Variants in DLGAP2 observed in about 807,000 individuals in gnomAD.
DLGAP2 encodes disks large-associated protein 2.
In DLGAP2, 26 loss-of-function variants were observed where a neutral mutation model predicts 100.3. The observed-to-expected ratio is 0.26, with a 90% CI of 0.19 to 0.36. DLGAP2 has a LOEUF of 0.36. DLGAP2 is among the 10% of genes least tolerant of loss of function. DLGAP2 has a pLI of 1.00. For synonymous variants in DLGAP2, 886 were observed against 630.1 expected, an observed-to-expected ratio of 1.41 and a Z score of -6.08; for missense variants, 1,858 against 1,453.2, an observed-to-expected ratio of 1.28 and a Z score of -4.53.
intron 3 of DLGAP2, among the ~76,000 whole-genome samples, chr8:1,319,471 A>G (rs2117035782): frequency 6.6e-6 from 1 of 152,116 alleles, no homozygotes; most frequent in African/African-American, 2.4e-5. Flanking sequence ...ACCCTCGGAG[A>G]GATTGGAGTG....
intron 4 of DLGAP2, among the ~76,000 whole-genome samples, chr8:1,520,014 T>C (rs1800532039): frequency 6.6e-6 from 1 of 152,130 alleles, no homozygotes; most frequent in Non-Finnish European, 1.5e-5. Context: ...GCAGGAGGTG[T>C]GGGCCATCGC....
rs1801478782 is a variant in DLGAP2 at position 1,544,814 on chromosome 8, C to T, written c.173-3812C>T. 3.3e-5 allele frequency among the ~76,000 whole-genome samples: 5 copies of T among 151,186 alleles called. No homozygotes were observed. In the South Asian group the frequency reaches 1.0e-3, roughly 32 times the overall value. On this transcript the variant is annotated intron_variant, in intron 4 of 14. Transcript: ENST00000637795. ...GTGGTGTAATCTTGGCTCATTGCAA[C>T]TTCTGCCTCCCGGGTTCAAGCGATT... is the stretch of plus-strand genomic sequence containing the variant.
intron 3 of DLGAP2, among the ~76,000 whole-genome samples, chr8:1,412,553 C>G (rs925766852): frequency 2.0e-5 from 3 of 152,314 alleles, no homozygotes; most frequent in Admixed American, 1.3e-4. Context: ...TTGGTAAGCC[C>G]CAGCCATTCC....
At chr8:934,477 G>C (rs1278252165) in intron 2 of DLGAP2, among the ~76,000 whole-genome samples, 3 of 152,214 alleles carry the variant, frequency 2.0e-5, no homozygotes, top group African/African-American at 7.2e-5. Flanking sequence ...GGACCTGCTT[G>C]AAACAGGCCA....
intron 3 of DLGAP2, among the ~76,000 whole-genome samples, chr8:1,328,083 AG>A: frequency 6.6e-6 from 1 of 152,014 alleles, no homozygotes; most frequent in East Asian, 2.0e-4. Flanking sequence ...TCTGTCTCCC[AG>A]GCTGGAGTGC....
rs1026128120 is a variant in DLGAP2, at chr8:1,324,505, C to T, written c.106+65622C>T. ...CCACAGGCAGAGCAGGCACCTTCTT[C>T]CCAGATCATCTTACCCATTAACACA... is the stretch of plus-strand genomic sequence containing the variant. On this transcript the variant is annotated intron_variant, in intron 3 of 14. Coordinates refer to ENST00000637795, the MANE Select transcript of DLGAP2 (RefSeq NM_001346810.2). 6.6e-5 allele frequency among the ~76,000 whole-genome samples: 10 copies of T among 152,206 alleles called. No homozygotes were observed. The East Asian group carries it at 1.5e-3, about 23-fold the overall frequency.
In DLGAP2 at chr8:850,604, G is replaced by C. The variant is rs137873215; in HGVS notation, c.19-57308G>C. On this transcript the variant is annotated intron_variant, in intron 1 of 14. Coordinates refer to ENST00000637795, the MANE Select transcript of DLGAP2 (RefSeq NM_001346810.2). ...ATGAAATGAGGCTGTTGCTTGAATA[G>C]CCCAATTAAATGTTGGCATGCTTTA... is the stretch of plus-strand genomic sequence containing the variant. Among the ~76,000 whole-genome samples, 251 of 152,226 alleles carry C rather than the reference G, an allele frequency of 1.6e-3. 3 individuals are homozygous for C. The highest frequency in any genetic ancestry group is 5.9e-3 in the African/African-American group (247 of 41,546).
intron 4 of DLGAP2, among the ~76,000 whole-genome samples, chr8:1,528,231 A>G (rs1354191357): frequency 6.6e-6 from 1 of 152,138 alleles, no homozygotes; most frequent in Non-Finnish European, 1.5e-5. Context: ...TTTCCTCCTC[A>G]GGCCACTGGC....
At chr8:1,590,713 T>G (rs1036405141) in intron 6 of DLGAP2, among the ~76,000 whole-genome samples, 107 of 152,320 alleles carry the variant, frequency 7.0e-4, no homozygotes, top group African/African-American at 2.5e-3. Context: ...AAAATCTTGT[T>G]CTGTCCTATT....
intron 6 of DLGAP2, among the ~76,000 whole-genome samples, chr8:1,586,777 C>T (rs1372337396): frequency 6.6e-6 from 1 of 152,196 alleles, no homozygotes; most frequent in Admixed American, 6.5e-5. Flanking sequence ...GTTTTTATTA[C>T]TGCACAGAGT....
intron 3 of DLGAP2, among the ~76,000 whole-genome samples, chr8:1,319,581 C>G (rs1408779018): frequency 6.6e-6 from 1 of 152,148 alleles, no homozygotes; most frequent in East Asian, 1.9e-4. Flanking sequence ...CTTGTATTCT[C>G]CTAGGAAGGT....
At chr8:1,185,668 G>A (rs1428740365) in intron 2 of DLGAP2, among the ~76,000 whole-genome samples, 1 of 151,880 alleles carries the variant, frequency 6.6e-6, no homozygotes, top group Non-Finnish European at 1.5e-5. Context: ...AAGGCTAGTG[G>A]AAGAACAATG....
intron 12 of DLGAP2, among the ~76,000 whole-genome samples, chr8:1,690,703 C>CAAAAAAAAAAAAAAA (rs71190752): frequency 2.9e-4 from 18 of 62,074 alleles, no homozygotes; most frequent in Admixed American, 6.5e-4. Flanking sequence ...GACCCTATCT[C>CAAAAAAAAAAAAAAA]AAAAAAAAAA....
At chr8:1,133,730 A>G (rs1796344548) in intron 2 of DLGAP2, among the ~76,000 whole-genome samples, 1 of 152,260 alleles carries the variant, frequency 6.6e-6, no homozygotes. Context: ...TAGAATTAAG[A>G]GTAATCTAAA....
In DLGAP2 at chr8:1,701,646, TG is replaced by T; in HGVS notation, c.*242del. On this transcript the variant is annotated 3_prime_UTR_variant, in exon 15 of 15. Coordinates refer to ENST00000637795, the MANE Select transcript of DLGAP2 (RefSeq NM_001346810.2). The stretch of plus-strand genomic sequence containing the variant: ...GTTCACGGGTGGCCTGGCTCACACT[TG>T]GCTCTGAGGGACAGGTGTGGCGAGA... The T allele has an allele frequency of 7.1e-6, 4 of 565,846 alleles. No individual in the cohort carries two copies. Among genetic ancestry groups the T allele is most frequent in the Non-Finnish European group, 1.2e-5 (4 of 324,728 alleles). The allele number at this position is 565,846 out of a possible 1,614,324, so 35.1% of individuals were successfully genotyped here.
At chr8:1,198,210 G>A (rs1433148620) in intron 2 of DLGAP2, among the ~76,000 whole-genome samples, 1 of 152,166 alleles carries the variant, frequency 6.6e-6, no homozygotes, top group African/African-American at 2.4e-5. Flanking sequence ...CAATTTCCTT[G>A]AGGATTCCAG....
At chr8:836,004 C>G (rs532724758) in intron 1 of DLGAP2, among the ~76,000 whole-genome samples, 4 of 152,312 alleles carry the variant, frequency 2.6e-5, no homozygotes, top group Admixed American at 6.5e-5. Context: ...CCTTGGAAGA[C>G]TTTTTGTCCA....
intron 2 of DLGAP2, among the ~76,000 whole-genome samples, chr8:1,164,954 G>C (rs75191694): frequency 0.19 from 28,582 of 151,918 alleles, 2,854 homozygotes; most frequent in Middle Eastern, 0.34. Flanking sequence ...TTGAGCTGTA[G>C]AAACCCAAAT....
At chr8:806,655 C>G (rs1796276475) in intron 1 of DLGAP2, among the ~76,000 whole-genome samples, 1 of 152,286 alleles carries the variant, frequency 6.6e-6, no homozygotes, top group Non-Finnish European at 1.5e-5. Context: ...GGGGCCAGCG[C>G]TCCATTTCCT....
Sources: gnomAD v4.1 joint callset for allele counts (sites outside exome capture counted in the v4.1 genomes callset) on GRCh38, gnomAD v4.1.1 for gene constraint, MANE v1.5 for transcripts, NCBI Gene and HGNC (gene_info 2026-07-23, HGNC 2026-07-21) for gene names.